Variants in TMEM132D observed in about 807,000 individuals in gnomAD.
The protein encoded by TMEM132D is mature OL transmembrane protein.
Under a neutral mutation model 62.3 loss-of-function variants are expected in TMEM132D, and 21 were observed. The observed-to-expected ratio is 0.34, with a 90% CI of 0.24 to 0.49. The LOEUF is 0.49. TMEM132D is among the 20% of genes least tolerant of loss of function. The pLI is 0.99. For missense variants in TMEM132D, 1,346 were observed against 1,402.8 expected, an observed-to-expected ratio of 0.96 and a Z score of 0.65; for synonymous variants, 621 against 575.6, an observed-to-expected ratio of 1.08 and a Z score of -1.13.
intron 2 of TMEM132D, among the ~76,000 whole-genome samples, chr12:129,544,444 C>T (rs1012401087): frequency 1.3e-5 from 2 of 152,164 alleles, no homozygotes; most frequent in African/African-American, 2.4e-5. Flanking sequence ...GGCATAAATG[C>T]CATTGGTAAA....
chr12:129,427,838 T>C (rs911894097), intron 3 of TMEM132D, among the ~76,000 whole-genome samples: 3 of 152,132 alleles, frequency 2.0e-5, no homozygotes, highest in Non-Finnish European at 4.4e-5. Flanking sequence ...TGATTTTACT[T>C]TAAGGGAAAA....
intron 5 of TMEM132D, among the ~76,000 whole-genome samples, chr12:129,116,325 G>T (rs964390457): frequency 6.6e-6 from 1 of 152,178 alleles, no homozygotes; most frequent in Non-Finnish European, 1.5e-5. Flanking sequence ...AAAGACAACA[G>T]CTGGCCAGTC....
chr12:129,472,564 T>C (rs542619410), intron 3 of TMEM132D, among the ~76,000 whole-genome samples: 14 of 152,262 alleles, frequency 9.2e-5, no homozygotes, highest in African/African-American at 3.4e-4. Flanking sequence ...CAAACCTGCA[T>C]GTTCAGCACG....
intron 3 of TMEM132D, among the ~76,000 whole-genome samples, chr12:129,504,930 C>T (rs1176946287): frequency 6.6e-6 from 1 of 152,130 alleles, no homozygotes; most frequent in Non-Finnish European, 1.5e-5. Flanking sequence ...TCGTTCAGTT[C>T]AAATAATTTT....
chr12:129,380,797 G>A (rs1404936602), intron 3 of TMEM132D, among the ~76,000 whole-genome samples: 1 of 152,024 alleles, frequency 6.6e-6, no homozygotes, highest in East Asian at 1.9e-4. Context: ...TTTCAAAAAT[G>A]TTACGTAAGT....
chr12:129,081,346 T>C (rs1874438875), intron 7 of TMEM132D, among the ~76,000 whole-genome samples: 1 of 152,224 alleles, frequency 6.6e-6, no homozygotes, highest in Non-Finnish European at 1.5e-5. Context: ...TCATCCAGGT[T>C]GGAGTGTAGT....
chr12:129,219,318 T>C, intron 4 of TMEM132D, among the ~76,000 whole-genome samples: 1 of 152,352 alleles, frequency 6.6e-6, no homozygotes, highest in East Asian at 1.9e-4. Context: ...TGCCACCATG[T>C]AAGACATGCC....
At chr12:129,159,524 A>C (rs1021949938) in intron 5 of TMEM132D, among the ~76,000 whole-genome samples, 3 of 152,162 alleles carry the variant, frequency 2.0e-5, no homozygotes, top group African/African-American at 7.2e-5. Flanking sequence ...TGGGAGGCTG[A>C]GGTGGGCAGA....
chr12:129,262,248 G>GA (rs1338823480), intron 4 of TMEM132D: 2 of 152,214 alleles, frequency 1.3e-5, no homozygotes, highest in Non-Finnish European at 2.9e-5. Flanking sequence ...AATTATCTTT[G>GA]AAAATATTAG....
chr12:129,769,816 C>T (rs570385549), intron 1 of TMEM132D, among the ~76,000 whole-genome samples: 1 of 152,202 alleles, frequency 6.6e-6, no homozygotes, highest in Non-Finnish European at 1.5e-5. Flanking sequence ...GTGAAGGACT[C>T]ACATAGTTGT....
intron 5 of TMEM132D, among the ~76,000 whole-genome samples, chr12:129,209,275 G>A (rs1878953084): frequency 6.6e-6 from 1 of 152,150 alleles, no homozygotes; most frequent in Non-Finnish European, 1.5e-5. Context: ...GGCATTCGGC[G>A]AACACAGAGT....
chr12:129,374,449 AT>A (rs1457279244), intron 3 of TMEM132D, among the ~76,000 whole-genome samples: 4 of 152,156 alleles, frequency 2.6e-5, no homozygotes, highest in African/African-American at 9.6e-5. Context: ...GGATGGACAC[AT>A]TCAGTGCATA....
intron 2 of TMEM132D, among the ~76,000 whole-genome samples, chr12:129,592,757 G>C (rs905448388): frequency 1.3e-5 from 2 of 152,188 alleles, no homozygotes; most frequent in Non-Finnish European, 2.9e-5. Context: ...CTATGTGAAC[G>C]TTTGTGAAGA....
chr12:129,349,282 C>G (rs183345234), intron 3 of TMEM132D, among the ~76,000 whole-genome samples: 3 of 152,254 alleles, frequency 2.0e-5, no homozygotes, highest in Non-Finnish European at 4.4e-5. Flanking sequence ...TGCCTGAACC[C>G]ACAGGCACCC....
At chr12:129,890,098 C>G (rs1443640583) in intron 1 of TMEM132D, among the ~76,000 whole-genome samples, 12 of 152,176 alleles carry the variant, frequency 7.9e-5, no homozygotes, top group Admixed American at 7.9e-4. Flanking sequence ...GATTGGCACA[C>G]AGAACACCAG....
chr12:129,270,349 G>A (rs892333989), intron 4 of TMEM132D, among the ~76,000 whole-genome samples: 4 of 152,146 alleles, frequency 2.6e-5, no homozygotes, highest in Non-Finnish European at 4.4e-5. Flanking sequence ...TACCACTTGA[G>A]TTTAAATTCT....
intron 6 of TMEM132D, among the ~76,000 whole-genome samples, chr12:129,083,143 T>A (rs1355573042): frequency 6.6e-6 from 1 of 152,076 alleles, no homozygotes; most frequent in Non-Finnish European, 1.5e-5. Context: ...TAGGGATGAG[T>A]GGTGTGGCTC....
intron 1 of TMEM132D, among the ~76,000 whole-genome samples, chr12:129,874,602 A>C (rs1009875748): frequency 1.3e-5 from 2 of 151,308 alleles, no homozygotes; most frequent in African/African-American, 4.8e-5. Flanking sequence ...TAAAAAAAAA[A>C]AAAAAACGGA....
chr12:129,497,507 A>T (rs1874995345), intron 3 of TMEM132D, among the ~76,000 whole-genome samples: 1 of 151,990 alleles, frequency 6.6e-6, no homozygotes, highest in Non-Finnish European at 1.5e-5. Context: ...CTCCAGGCAC[A>T]GCCATATGGC....
Sources: allele counts gnomAD v4.1 joint callset (sites outside exome capture counted in the v4.1 genomes callset), GRCh38; gene constraint gnomAD v4.1.1; transcripts MANE v1.5; gene names NCBI Gene and HGNC (gene_info 2026-07-23, HGNC 2026-07-21).